Variants in ARK2N observed in about 807,000 individuals in gnomAD.
ARK2N encodes the protein arkadia (RNF111) N-terminal like PKA signaling regulator 2N, also known as protein ARK2N.
At chr18:46,247,284 G>A in the ARK2N span, among the ~76,000 whole-genome samples, 1 of 152,148 alleles carries the variant, frequency 6.6e-6, no homozygotes, top group Non-Finnish European at 1.5e-5. Context: ...GGCTATTGGA[G>A]GTAGTAAGGT....
At chr18:46,245,562 C>T in the ARK2N span, among the ~76,000 whole-genome samples, 1 of 136,298 alleles carries the variant, frequency 7.3e-6, no homozygotes, top group Admixed American at 7.9e-5. Flanking sequence ...CAGAGTGAGA[C>T]TCTGTCTCAA....
At chr18:46,201,474 G>C in the ARK2N span, among the ~76,000 whole-genome samples, 3 of 151,984 alleles carry the variant, frequency 2.0e-5, no homozygotes, top group African/African-American at 7.3e-5. Context: ...AAATTTATGT[G>C]GTGGAGATTC....
chr18:46,212,932 A>G, the ARK2N span, among the ~76,000 whole-genome samples: 4 of 148,966 alleles, frequency 2.7e-5, no homozygotes, highest in Non-Finnish European at 5.9e-5. Context: ...CTTGTCCTAT[A>G]TAGCTGACAT....
At chr18:46,200,514 G>T in the ARK2N span, among the ~76,000 whole-genome samples, 3 of 152,040 alleles carry the variant, frequency 2.0e-5, no homozygotes, top group East Asian at 3.9e-4. Flanking sequence ...CACTATGTTG[G>T]CCAGGCTGGG....
the ARK2N span, among the ~76,000 whole-genome samples, chr18:46,198,799 A>C: frequency 6.6e-6 from 1 of 152,004 alleles, no homozygotes; most frequent in Admixed American, 6.6e-5. Flanking sequence ...GGGTTTCACT[A>C]TGTTGGCCAG....
chr18:46,234,236 T>C, the ARK2N span, among the ~76,000 whole-genome samples: 3 of 152,168 alleles, frequency 2.0e-5, no homozygotes, highest in African/African-American at 7.2e-5. Context: ...CTTGCTCTGT[T>C]GCCAAGGCTG....
chr18:46,225,790 A>T, the ARK2N span, among the ~76,000 whole-genome samples: 1 of 152,070 alleles, frequency 6.6e-6, no homozygotes. Context: ...GCAGTAGTAA[A>T]CAGTTTCTTT....
chr18:46,258,164 G>A, the ARK2N span, among the ~76,000 whole-genome samples: 58 of 152,246 alleles, frequency 3.8e-4, no homozygotes, highest in Non-Finnish European at 6.5e-4. Flanking sequence ...GAGCTCAGAC[G>A]ATCTGCCCGC....
At chr18:46,196,022 C>T in the ARK2N span, among the ~76,000 whole-genome samples, 3 of 151,746 alleles carry the variant, frequency 2.0e-5, no homozygotes, top group Non-Finnish European at 2.9e-5. Flanking sequence ...CTTTTGCTGC[C>T]CAGGCTGGAG....
At chr18:46,215,320 A>AAAAC in the ARK2N span, among the ~76,000 whole-genome samples, 13 of 152,128 alleles carry the variant, frequency 8.5e-5, no homozygotes, top group Admixed American at 2.6e-4. Flanking sequence ...CCCTGTCTCA[A>AAAAC]AAACAAACAA....
the ARK2N span, among the ~76,000 whole-genome samples, chr18:46,233,375 A>G: frequency 2.0e-5 from 3 of 152,106 alleles, no homozygotes; most frequent in Non-Finnish European, 4.4e-5. Context: ...TAGTTTTTTT[A>G]TCTATGGATC....
the ARK2N span, among the ~76,000 whole-genome samples, chr18:46,194,828 G>C: frequency 7.2e-6 from 1 of 138,932 alleles, no homozygotes; most frequent in Non-Finnish European, 1.5e-5. Context: ...TTTTGAGATA[G>C]AGTCTCATTC....
chr18:46,251,173 A>C, the ARK2N span, among the ~76,000 whole-genome samples: 13 of 152,246 alleles, frequency 8.5e-5, no homozygotes, highest in Non-Finnish European at 1.9e-4. Flanking sequence ...GTTGAAGGCT[A>C]TAAAGAAGAG....
At chr18:46,182,375 A>AT in the ARK2N span, among the ~76,000 whole-genome samples, 2 of 152,162 alleles carry the variant, frequency 1.3e-5, no homozygotes, top group Non-Finnish European at 2.9e-5. Context: ...GCATGTGGTT[A>AT]TCCATCTTTA....
chr18:46,254,011 A>G, the ARK2N span, among the ~76,000 whole-genome samples: 32 of 152,354 alleles, frequency 2.1e-4, 1 homozygote, highest in East Asian at 6.2e-3. Context: ...AGTGTGTTAT[A>G]TATTGTCTCA....
chr18:46,216,081 T>G, the ARK2N span: 5 of 1,614,166 alleles, frequency 3.1e-6, no homozygotes, highest in Admixed American at 8.3e-5. The surrounding 1 kb of genome is among the most constrained non-coding windows in gnomAD (Gnocchi z 4.3). Context: ...GGGACTCTTC[T>G]GAGTCTCAGT....
the ARK2N span, among the ~76,000 whole-genome samples, chr18:46,194,816 T>C: frequency 6.6e-6 from 1 of 150,540 alleles, no homozygotes; most frequent in South Asian, 2.1e-4. Context: ...TTTTTTTTTT[T>C]TTTTTGAGAT....
chr18:46,227,835 T>TGATC, the ARK2N span, among the ~76,000 whole-genome samples: 1 of 152,150 alleles, frequency 6.6e-6, no homozygotes, highest in East Asian at 1.9e-4. Context: ...CAACCTCAGG[T>TGATC]GATCTGCCTG....
chr18:46,256,468 T>C, the ARK2N span, among the ~76,000 whole-genome samples: 1 of 152,340 alleles, frequency 6.6e-6, no homozygotes, highest in Non-Finnish European at 1.5e-5. Flanking sequence ...TATATTTCTA[T>C]GAAAACCTGG....
Sources: gnomAD v4.1 joint callset for allele counts (sites outside exome capture counted in the v4.1 genomes callset) on GRCh38, gnomAD v4.1.1 for gene constraint, Gnocchi (gnomAD v3.1) non-coding constraint, MANE v1.5 for transcripts, NCBI Gene and HGNC (gene_info 2026-07-23, HGNC 2026-07-21) for gene names.